The following ZBTB20 variants were observed in gnomAD, a reference collection of about 807,000 sequenced individuals.
ZBTB20 encodes the protein zinc finger and BTB domain containing 20.
Under a neutral mutation model 56.9 loss-of-function variants are expected in ZBTB20, and 9 were observed. The ratio of observed to expected loss-of-function variants is 0.16; its 90% CI spans 0.10 to 0.28. The LOEUF is 0.28. Among genes scored for constraint, ZBTB20 ranks in the 10% least tolerant of loss-of-function variants. The pLI, the probability that ZBTB20 is intolerant of heterozygous loss-of-function variation, is 1.00. For missense variants in ZBTB20, 655 were observed against 1,003.0 expected (o/e 0.65, Z 4.69); for synonymous variants, 417 against 420.7 (o/e 0.99, Z 0.11).
chr3:115,112,568 T>G (rs113996391), intron 1 of ZBTB20, among the ~76,000 whole-genome samples: 1 of 152,208 alleles, frequency 6.6e-6, no homozygotes, highest in Admixed American at 6.5e-5. Context: ...TGTATTTCTG[T>G]GCTTGGCTTA....
chr3:114,560,830 T>C (rs1338178388), intron 6 of ZBTB20, among the ~76,000 whole-genome samples: 4 of 152,202 alleles, frequency 2.6e-5, no homozygotes, highest in Admixed American at 1.3e-4. Flanking sequence ...TGCCACATGA[T>C]TGACTCTTCT....
rs368928538 is a variant in ZBTB20 at position 114,680,826 on chromosome 3, T to C, written c.-295+12702A>G. ...AGTCAGGGAAAACTGGTGATAAACT[T>C]CAGAAAGCCAAGAAATATACCAGCT... is the stretch of plus-strand genomic sequence containing the variant. On this transcript the variant is annotated intron_variant, in intron 6 of 11. Coordinates refer to ENST00000675478, the MANE Select transcript of ZBTB20 (RefSeq NM_001348800.3). 3.9e-5 allele frequency among the ~76,000 whole-genome samples: 6 copies of C among 152,276 alleles called. No individual in the cohort carries two copies. In the East Asian group the frequency reaches 9.7e-4, roughly 25 times the overall value.
chr3:115,086,603 C>T (rs1019618415), intron 1 of ZBTB20, among the ~76,000 whole-genome samples: 26 of 151,786 alleles, frequency 1.7e-4, no homozygotes, highest in Admixed American at 7.9e-4. Context: ...GTAGCTGCTT[C>T]GGGCTTCTAT....
chr3:114,534,658 A>T (rs1652412191), intron 6 of ZBTB20, among the ~76,000 whole-genome samples: 1 of 152,006 alleles, frequency 6.6e-6, no homozygotes, highest in South Asian at 2.1e-4. Context: ...CATCTACAGA[A>T]CTCTCCACCC....
At chr3:114,788,976 C>A (rs1057310932) in intron 5 of ZBTB20, among the ~76,000 whole-genome samples, 1 of 152,116 alleles carries the variant, frequency 6.6e-6, no homozygotes, top group African/African-American at 2.4e-5. Flanking sequence ...ACAGGAAAAA[C>A]CGCCCCTGTG....
intron 7 of ZBTB20, among the ~76,000 whole-genome samples, chr3:114,432,169 G>GA (rs5851926): frequency 0.92 from 133,345 of 145,006 alleles, 62,064 homozygotes; most frequent in South Asian, 0.99. Context: ...GATTCCATTA[G>GA]AAAAAAAAAA....
chr3:114,612,305 T>G lies in ZBTB20; in HGVS notation c.-295+81223A>C, dbSNP rs564894757. 5.3e-5 allele frequency among the ~76,000 whole-genome samples: 8 copies of G among 152,310 alleles called. No individual in the cohort carries two copies. The South Asian group carries it at 6.2e-4, about 12-fold the overall frequency. On this transcript the variant is annotated intron_variant, in intron 6 of 11. Coordinates refer to ENST00000675478, the MANE Select transcript of ZBTB20 (RefSeq NM_001348800.3). ...CTCATGTTGGTGCATAATGGCAGAT[T>G]GGTAATTTCCAGTTAGTTTTAGGAT...
intron 7 of ZBTB20, among the ~76,000 whole-genome samples, chr3:114,392,030 A>C (rs2085922545): frequency 1.3e-5 from 2 of 152,220 alleles, no homozygotes; most frequent in Non-Finnish European, 2.9e-5. Context: ...CGAACTAATA[A>C]ATATGTTTTA....
intron 6 of ZBTB20, among the ~76,000 whole-genome samples, chr3:114,677,618 C>A (rs1456053982): frequency 6.6e-6 from 1 of 152,134 alleles, no homozygotes; most frequent in African/African-American, 2.4e-5. Flanking sequence ...TCCCTGGTGG[C>A]AAAAACGTTG....
At chr3:115,137,677 C>T (rs1379888639) in intron 1 of ZBTB20, among the ~76,000 whole-genome samples, 1 of 151,906 alleles carries the variant, frequency 6.6e-6, no homozygotes, top group Non-Finnish European at 1.5e-5. Flanking sequence ...AGCTAAATTC[C>T]ATAATAAATA....
intron 1 of ZBTB20, among the ~76,000 whole-genome samples, chr3:115,090,507 TC>T (rs2083150078): frequency 6.6e-6 from 1 of 151,670 alleles, no homozygotes; most frequent in Non-Finnish European, 1.5e-5. Context: ...GGTTTCAAAA[TC>T]AAAATGGGAA....
At chr3:114,477,114 C>T (rs991711138) in intron 7 of ZBTB20, among the ~76,000 whole-genome samples, 3 of 152,130 alleles carry the variant, frequency 2.0e-5, no homozygotes, top group Non-Finnish European at 4.4e-5. Context: ...CATAATTATG[C>T]GTTGTGCTTA....
At chr3:114,398,230 G>T (rs550383539) in intron 7 of ZBTB20, among the ~76,000 whole-genome samples, 11 of 142,952 alleles carry the variant, frequency 7.7e-5, no homozygotes, top group Admixed American at 5.8e-4. Flanking sequence ...ATGGTTTACT[G>T]CCTGTTTGCT....
At chr3:115,032,959 A>G (rs1560510219) in intron 2 of ZBTB20, among the ~76,000 whole-genome samples, 2 of 121,986 alleles carry the variant, frequency 1.6e-5, no homozygotes, top group African/African-American at 7.2e-5. Context: ...CTAAGGAACT[A>G]AAAAAAAAAA....
intron 4 of ZBTB20, among the ~76,000 whole-genome samples, chr3:114,857,253 T>C (rs1283048072): frequency 1.3e-5 from 2 of 152,190 alleles, no homozygotes; most frequent in African/African-American, 4.8e-5. Context: ...CTTCATCACC[T>C]TTCTCATCTT....
chr3:114,882,435 A>G (rs2076432619), intron 4 of ZBTB20, among the ~76,000 whole-genome samples: 1 of 152,020 alleles, frequency 6.6e-6, no homozygotes, highest in Non-Finnish European at 1.5e-5. Flanking sequence ...CTAAGAAAGT[A>G]TGCTATGTGG....
At chr3:114,710,872 G>A (rs2064030142) in intron 5 of ZBTB20, among the ~76,000 whole-genome samples, 2 of 152,026 alleles carry the variant, frequency 1.3e-5, no homozygotes, top group Admixed American at 1.3e-4. Flanking sequence ...TGTGTGAGCT[G>A]GTCCCTACTT....
chr3:114,585,628 T>G (rs2055102827), intron 6 of ZBTB20, among the ~76,000 whole-genome samples: 1 of 152,210 alleles, frequency 6.6e-6, no homozygotes, highest in Non-Finnish European at 1.5e-5. Context: ...ACCTGCCTGG[T>G]ATGCCCCCTG....
chr3:114,534,249 G>A (rs907201386), intron 6 of ZBTB20, among the ~76,000 whole-genome samples: 8 of 151,984 alleles, frequency 5.3e-5, no homozygotes, highest in Admixed American at 2.0e-4. Context: ...CCCATCTCAC[G>A]TACAAAGACA....
Sources: allele counts gnomAD v4.1 joint callset (sites outside exome capture counted in the v4.1 genomes callset), GRCh38; gene constraint gnomAD v4.1.1; transcripts MANE v1.5; gene names NCBI Gene and HGNC (gene_info 2026-07-23, HGNC 2026-07-21).